Variants in ATP11A observed in about 807,000 individuals in gnomAD.
The protein encoded by ATP11A is phospholipid-transporting ATPase IH.
In ATP11A, 81 loss-of-function variants were observed where a neutral mutation model predicts 154.4. That is an observed-to-expected ratio of 0.52 (90% CI 0.44 to 0.63). ATP11A has a LOEUF of 0.63. Among genes scored for constraint, ATP11A ranks in the 30% least tolerant of loss-of-function variants. The pLI, the probability that ATP11A is intolerant of heterozygous loss-of-function variation, is 0.00. For synonymous variants in ATP11A, 623 were observed against 585.9 expected, an observed-to-expected ratio of 1.06 and a Z score of -0.91; for missense variants, 1,316 against 1,474.3, an observed-to-expected ratio of 0.89 and a Z score of 1.76.
chr13:112,878,398 G>T, intron 29 of ATP11A, 95 bp downstream of exon 29: 1 of 1,371,242 alleles, frequency 7.3e-7, no homozygotes, highest in Non-Finnish European at 1.0e-6. Flanking sequence ...GTGCTCTGAC[G>T]CAGCGTCCAC....
At position 112,860,405 on chromosome 13, in the gene ATP11A, C is replaced by T; in HGVS notation, c.2846C>T (p.Thr949Ile). The T allele has an allele frequency of 1.2e-6, 2 of 1,614,150 alleles. No homozygotes were observed. The highest frequency in any genetic ancestry group is 1.7e-6 in the Non-Finnish European group (2 of 1,180,014). ...VGIDVLKRDPTLYRDVAKNAL... is the reference protein window; with the variant it reads ...VGIDVLKRDPILYRDVAKNAL... ...ATTGACGTGCTCAAGAGAGACCCGACCCTGTACAGGTACCATCCTCCAAAC... is the reference window on the plus strand; with the variant it reads ...ATTGACGTGCTCAAGAGAGACCCGATCCTGTACAGGTACCATCCTCCAAAC... Residue 949 changes from threonine (T) to isoleucine (I), a missense_variant, in exon 24 of 30, where the codon ACC becomes ATC. Physicochemically the swap from Thr to Ile is moderately conservative, Grantham distance 89. Coordinates refer to ENST00000375645, the MANE Select transcript of ATP11A (RefSeq NM_015205.3).
rs368694662 is a variant in ATP11A at position 112,854,252 on chromosome 13, T to C, written c.1992-27T>C. On this transcript the variant is annotated intron_variant, in intron 18 of 29. Coordinates refer to ENST00000375645, the MANE Select transcript of ATP11A (RefSeq NM_015205.3). The stretch of plus-strand genomic sequence containing the variant: ...CTGGGTCAGCACTGACTTTTCTCTA[T>C]GCTGTGTTTGGTTTTGCCTCCCTCA... 1.6e-5 allele frequency: 26 copies of C among 1,611,500 alleles called. 1 individual carries two copies. In the Middle Eastern group the frequency reaches 6.6e-4, roughly 41 times the overall value.
chr13:112,853,293 C>CAT (rs1458039061), intron 18 of ATP11A, among the ~76,000 whole-genome samples: 24 of 152,082 alleles, frequency 1.6e-4, no homozygotes, highest in Admixed American at 9.8e-4. Context: ...CACACACACA[C>CAT]ACATATATAT....
intron 1 of ATP11A, among the ~76,000 whole-genome samples, chr13:112,776,533 C>T (rs2139978359): frequency 6.6e-6 from 1 of 152,318 alleles, no homozygotes; most frequent in African/African-American, 2.4e-5. Flanking sequence ...TCCGGCCTGC[C>T]TGGCGATGGT....
rs148358231 is a variant in ATP11A, at chr13:112,747,934, C to T, written c.40-37201C>T. ...GGATGGGATGAATTTGAGCATCCCT[C>T]ATTCCAAAATCCCAAATCCAAAATG... On this transcript the variant is annotated intron_variant, in intron 1 of 29. Transcript: ENST00000375645. Among the ~76,000 whole-genome samples, 103 of 152,344 alleles carry T rather than the reference C, an allele frequency of 6.8e-4. 1 individual carries two copies. In the East Asian group the frequency reaches 0.013, roughly 20 times the overall value.
At position 112,690,557 on chromosome 13, in the gene ATP11A, A is replaced by G. The variant is rs1490197129; in HGVS notation, c.39+102A>G. ...GCCGGTCCAGCCCCGGGGTCCCGGG[A>G]GGTCTCCGATGTCTGGGACTCGGAC... On this transcript the variant is annotated intron_variant, in intron 1 of 29. Coordinates refer to ENST00000375645, the MANE Select transcript of ATP11A (RefSeq NM_015205.3). The surrounding 1 kb of genome is among the most constrained non-coding windows in gnomAD (Gnocchi z 5.6). 4.3e-6 allele frequency: 5 copies of G among 1,150,424 alleles called. No homozygotes were observed. The highest frequency in any genetic ancestry group is 4.3e-5 in the Admixed American group (1 of 23,042). 71.3% of individuals were successfully genotyped at this position (1,150,424 alleles called of 1,614,324 possible).
rs1453014531 is a variant in ATP11A, at chr13:112,816,175, C to T, written c.534C>T (p.Val178=). 2 of 1,614,182 alleles carry T rather than the reference C, an allele frequency of 1.2e-6. No homozygotes were observed. The highest frequency in any genetic ancestry group is 1.3e-5 in the African/African-American group (1 of 75,050). Residue 178 remains valine (V), a synonymous_variant, in exon 6 of 30, where the codon GTC becomes GTT. Coordinates refer to ENST00000375645, the MANE Select transcript of ATP11A (RefSeq NM_015205.3). Reference sequence around the variant, plus strand: ...ACCGGGGAGATGGGACGTGCCACGTCACCACCGCCAGCTTGGATGGAGAAT... The same window carrying T: ...ACCGGGGAGATGGGACGTGCCACGTTACCACCGCCAGCTTGGATGGAGAAT... ...SSNRGDGTCH[V]TTASLDGESS... is the part of the protein sequence containing the mutation.
chr13:112,880,841 A>G, intron 29 of ATP11A: 1 of 1,128,174 alleles, frequency 8.9e-7, no homozygotes, highest in Admixed American at 4.0e-5. Flanking sequence ...CCACACATGG[A>G]ACATGCTGTG....
intron 1 of ATP11A, among the ~76,000 whole-genome samples, chr13:112,749,029 G>T (rs1307811458): frequency 1.3e-5 from 2 of 152,232 alleles, no homozygotes; most frequent in African/African-American, 4.8e-5. Flanking sequence ...CTGGGCGTCA[G>T]GGTGCCCACA....
Position 112,859,310 on chromosome 13 carries a change from C to T in ATP11A, c.2668-83C>T, listed in dbSNP as rs1255729627. ...CTGGGTGCACGTGGATCCCTCCTCCCATGTGGGGTGGGCCACGTCGGTAGG... is the reference window on the plus strand; with the variant it reads ...CTGGGTGCACGTGGATCCCTCCTCCTATGTGGGGTGGGCCACGTCGGTAGG... On this transcript the variant is annotated intron_variant, in intron 22 of 29. Transcript: ENST00000375645. The surrounding 1 kb of genome is among the most constrained non-coding windows in gnomAD (Gnocchi z 4.3). The T allele has an allele frequency of 1.9e-5, 21 of 1,097,934 alleles. No homozygotes were observed. The highest frequency in any genetic ancestry group is 1.7e-4 in the African/African-American group (11 of 64,366). 68.0% of individuals were successfully genotyped at this position (1,097,934 alleles called of 1,614,324 possible). A position where few individuals can be genotyped will look rare whatever the true frequency, so the allele number is the denominator to read the frequency against.
At chr13:112,699,170 C>T (rs544033600) in intron 1 of ATP11A, among the ~76,000 whole-genome samples, 73 of 152,292 alleles carry the variant, frequency 4.8e-4, no homozygotes, top group African/African-American at 1.6e-3. Flanking sequence ...CATATTTTCA[C>T]TTATTTGCAA....
rs187604200 is a variant in ATP11A at position 112,825,210 on chromosome 13, A to G, written c.873-220A>G. Among the ~76,000 whole-genome samples the G allele has an allele frequency of 3.5e-3, 531 of 152,192 alleles. 4 individuals are homozygous for G. The highest frequency in any genetic ancestry group is 0.011 in the African/African-American group (460 of 41,518). On this transcript the variant is annotated intron_variant, in intron 10 of 29. Transcript: ENST00000375645. ...CTCTCTCTCCTGCTTGTGGCACTTT[A>G]CCCCGTCTTGGTTCTTACCTTTGAC... is the stretch of plus-strand genomic sequence containing the variant.
At chr13:112,813,581 TTTTC>T (rs1410996496) in intron 5 of ATP11A, among the ~76,000 whole-genome samples, 2 of 152,224 alleles carry the variant, frequency 1.3e-5, no homozygotes, top group African/African-American at 4.8e-5. Flanking sequence ...TGTGTGCAAG[TTTTC>T]TTGTGAATTT....
intron 8 of ATP11A, among the ~76,000 whole-genome samples, chr13:112,822,198 C>T (rs1438628060): frequency 6.6e-6 from 1 of 152,226 alleles, no homozygotes; most frequent in Non-Finnish European, 1.5e-5. Context: ...TGAATGTTAT[C>T]AATAGCAAAA....
intron 9 of ATP11A, 139 bp from the exon 10 acceptor site, chr13:112,824,205 G>T: frequency 1.5e-6 from 1 of 669,548 alleles, no homozygotes; most frequent in Non-Finnish European, 2.7e-6. Flanking sequence ...GTGTTATGTG[G>T]CTATGGACAC....
rs1433762397 is a variant in ATP11A, at chr13:112,760,873, ATGT to A, written c.40-24256_40-24254del. ...TCCTTCAGTCCACAGGACTTTTTAG[ATGT>A]TGTTGGGAGGTGGAGTGGGGATGAT... On this transcript the variant is annotated intron_variant, in intron 1 of 29. Transcript: ENST00000375645. Among the ~76,000 whole-genome samples the A allele has an allele frequency of 3.3e-5, 5 of 152,294 alleles. No individual in the cohort carries two copies. The South Asian group carries it at 6.2e-4, about 19-fold the overall frequency.
intron 2 of ATP11A, among the ~76,000 whole-genome samples, chr13:112,801,735 A>G (rs1043161567): frequency 3.3e-5 from 5 of 152,242 alleles, no homozygotes; most frequent in African/African-American, 9.6e-5. Context: ...CAAGATATGT[A>G]CAAGGTCTAG....
chr13:112,876,902 TCACC>T (rs2080745272), intron 28 of ATP11A, among the ~76,000 whole-genome samples: 3 of 152,148 alleles, frequency 2.0e-5, no homozygotes, highest in Admixed American at 2.0e-4. Flanking sequence ...GGGCACAGCC[TCACC>T]CACCACCCAC....
At chr13:112,800,869 A>G (rs574785857) in intron 2 of ATP11A, among the ~76,000 whole-genome samples, 1 of 152,206 alleles carries the variant, frequency 6.6e-6, no homozygotes, top group Non-Finnish European at 1.5e-5. Flanking sequence ...AATATAACCC[A>G]TATTTACAGG....
Sources: gnomAD v4.1 joint callset for allele counts (sites outside exome capture counted in the v4.1 genomes callset) on GRCh38, gnomAD v4.1.1 for gene constraint, Gnocchi (gnomAD v3.1) non-coding constraint, MANE v1.5 for transcripts, NCBI Gene and HGNC (gene_info 2026-07-23, HGNC 2026-07-21) for gene names.